Variants in CACNA1E observed in about 807,000 individuals in gnomAD.
CACNA1E encodes the protein voltage-dependent R-type calcium channel subunit alpha-1E.
A neutral mutation model predicts 259.2 loss-of-function variants in CACNA1E; 40 were observed. The observed-to-expected ratio is 0.15, with a 90% confidence interval of 0.12 to 0.20. The LOEUF is 0.20. CACNA1E is among the 10% of genes least tolerant of loss of function. The pLI is 1.00. For missense variants in CACNA1E, 1,874 were observed against 3,040.1 expected (o/e 0.62, Z 9.02); for synonymous variants, 1,104 against 1,138.5 (o/e 0.97, Z 0.61).
At chr1:181,337,348 G>A (rs1003569257) in intron 1 of CACNA1E, among the ~76,000 whole-genome samples, 29 of 151,872 alleles carry the variant, frequency 1.9e-4, no homozygotes, top group African/African-American at 6.8e-4. Context: ...TTTAGTAGAG[G>A]CAGGGTTTCA....
chr1:181,401,963 G>A (rs1220287341), intron 1 of CACNA1E, among the ~76,000 whole-genome samples: 3 of 152,210 alleles, frequency 2.0e-5, no homozygotes, highest in Non-Finnish European at 4.4e-5. Flanking sequence ...TGGCCCTGGG[G>A]CACTTGTGTT....
intron 3 of CACNA1E, among the ~76,000 whole-genome samples, chr1:181,518,347 C>T (rs1342543110): frequency 3.9e-5 from 6 of 152,184 alleles, no homozygotes; most frequent in African/African-American, 1.2e-4. Context: ...GACAGATCTC[C>T]ACCTCCTCCC....
intron 6 of CACNA1E, among the ~76,000 whole-genome samples, chr1:181,586,018 A>G (rs1652024366): frequency 1.3e-5 from 2 of 152,210 alleles, no homozygotes; most frequent in African/African-American, 4.8e-5. Context: ...AGAAACAGGG[A>G]TTCAAATCAA....
chr1:181,512,248 C>T (rs575115589), intron 3 of CACNA1E, among the ~76,000 whole-genome samples: 13 of 152,314 alleles, frequency 8.5e-5, no homozygotes, highest in Non-Finnish European at 1.3e-4. Flanking sequence ...AATGGTGTGA[C>T]GGGCAGGCCT....
At chr1:181,597,595 G>T (rs371017263) in intron 6 of CACNA1E, among the ~76,000 whole-genome samples, 1 of 152,178 alleles carries the variant, frequency 6.6e-6, no homozygotes, top group African/African-American at 2.4e-5. Flanking sequence ...TGACTGCCTC[G>T]AAGGTGATGG....
intron 2 of CACNA1E, among the ~76,000 whole-genome samples, chr1:181,461,497 C>T (rs1310770782): frequency 6.9e-6 from 1 of 145,024 alleles, no homozygotes; most frequent in East Asian, 2.0e-4. Context: ...GCCGAGATTG[C>T]ACCACTGCAC....
intron 2 of CACNA1E, among the ~76,000 whole-genome samples, chr1:181,445,685 A>G (rs1660749737): frequency 6.6e-6 from 1 of 152,268 alleles, no homozygotes; most frequent in African/African-American, 2.4e-5. Flanking sequence ...TCAGCCTGAC[A>G]CAGAGGCAGC....
chr1:181,587,942 G>T (rs1347850699), intron 6 of CACNA1E, among the ~76,000 whole-genome samples: 1 of 152,198 alleles, frequency 6.6e-6, no homozygotes, highest in Non-Finnish European at 1.5e-5. Flanking sequence ...GACAAATTCA[G>T]TCTGTGGAGT....
intron 1 of CACNA1E, among the ~76,000 whole-genome samples, chr1:181,373,322 G>T (rs964224258): frequency 1.4e-4 from 22 of 152,142 alleles, no homozygotes; most frequent in Non-Finnish European, 3.2e-4. Context: ...ACTCATTATG[G>T]TCTGTTCAGG....
In CACNA1E at chr1:181,791,998, C is replaced by T. The variant is rs1026320290; in HGVS notation, c.5898+1442C>T. On this transcript the variant is annotated intron_variant, in intron 44 of 47. Transcript: ENST00000367573. ...TGGGGGAGACAGTTAGTCCAGACGC[C>T]CCCAGGGCTGAGCAATTGACTGCCT... Among the ~76,000 whole-genome samples the T allele has an allele frequency of 6.6e-5, 10 of 152,302 alleles. No homozygotes were observed. The East Asian group carries it at 1.5e-3, about 24-fold the overall frequency.
chr1:181,771,584 A>G (rs1659519743), intron 36 of CACNA1E, 200 bp downstream of exon 36: 1 of 557,706 alleles, frequency 1.8e-6, no homozygotes, highest in Non-Finnish European at 3.2e-6. Context: ...CCATACCACC[A>G]TGAATGTGCC....
chr1:181,744,757 C>T (rs535996071), intron 25 of CACNA1E, among the ~76,000 whole-genome samples: 11 of 152,318 alleles, frequency 7.2e-5, no homozygotes, highest in African/African-American at 1.9e-4. Flanking sequence ...AAAAAGTGGA[C>T]GAAGTCCTGC....
chr1:181,543,659 C>A (rs141763398), intron 3 of CACNA1E, among the ~76,000 whole-genome samples: 10 of 152,286 alleles, frequency 6.6e-5, no homozygotes, highest in African/African-American at 1.9e-4. Flanking sequence ...ACATCCCAGC[C>A]TCCAAAACTT....
chr1:181,658,524 C>G (rs1558235882), intron 7 of CACNA1E, among the ~76,000 whole-genome samples: 1 of 152,234 alleles, frequency 6.6e-6, no homozygotes, highest in Non-Finnish European at 1.5e-5. Context: ...GCCCTTAGCT[C>G]TTATTAGCTG....
intron 1 of CACNA1E, among the ~76,000 whole-genome samples, chr1:181,400,287 A>G (rs1332307632): frequency 2.0e-5 from 3 of 152,220 alleles, no homozygotes; most frequent in East Asian, 3.8e-4. Flanking sequence ...TTTCTAGTTA[A>G]CTGATGATTT....
At chr1:181,788,474 T>G (rs1661029303) in intron 43 of CACNA1E, among the ~76,000 whole-genome samples, 1 of 152,206 alleles carries the variant, frequency 6.6e-6, no homozygotes, top group Non-Finnish European at 1.5e-5. Context: ...TTTCAGTGAT[T>G]TACTTACAGT....
intron 18 of CACNA1E, among the ~76,000 whole-genome samples, chr1:181,726,626 G>C (rs1213068585): frequency 6.6e-6 from 1 of 152,178 alleles, no homozygotes; most frequent in Non-Finnish European, 1.5e-5. Context: ...CAACTCGGAG[G>C]TCCTTAAAGT....
chr1:181,387,084 C>G lies in CACNA1E; in HGVS notation c.-14-26049C>G, dbSNP rs554687220. ...TGCCCGTGAGGACTGTGTGCCCCAG[C>G]CCTCCGAGAGTACACAGGGGATGTC... is the stretch of plus-strand genomic sequence containing the variant. On this transcript the variant is annotated intron_variant, in intron 1 of 11. Coordinates refer to the CACNA1E transcript ENST00000524607. 3.9e-5 allele frequency among the ~76,000 whole-genome samples: 6 copies of G among 152,248 alleles called. No homozygotes were observed. In the South Asian group the frequency reaches 1.2e-3, roughly 32 times the overall value.
chr1:181,623,643 A>C (rs999455288), intron 6 of CACNA1E, among the ~76,000 whole-genome samples: 4 of 152,232 alleles, frequency 2.6e-5, no homozygotes, highest in African/African-American at 7.2e-5. Flanking sequence ...AAATCACACA[A>C]ATTTTTGTTT....
Sources: gnomAD v4.1 joint callset for allele counts (sites outside exome capture counted in the v4.1 genomes callset) on GRCh38, gnomAD v4.1.1 for gene constraint, MANE v1.5 for transcripts, NCBI Gene and HGNC (gene_info 2026-07-23, HGNC 2026-07-21) for gene names.